FERMT2: variants seen among roughly 807,000 people sequenced by gnomAD.
FERMT2 encodes FERM domain containing kindlin 2, also known as fermitin family homolog 2.
In FERMT2, 15 loss-of-function variants were observed where a neutral mutation model predicts 82.7. That is an observed-to-expected ratio of 0.18 (90% CI 0.12 to 0.28). The LOEUF (loss-of-function observed/expected upper bound fraction) is 0.28, where lower values mean the gene tolerates loss of function less well. FERMT2 is among the 10% of genes least tolerant of loss of function. The pLI is 1.00. For missense variants in FERMT2, 645 were observed against 809.4 expected (o/e 0.80, Z 2.46); for synonymous variants, 274 against 271.5 (o/e 1.01, Z -0.09).
chr14:52,901,273 T>A (rs1188997075), intron 3 of FERMT2, among the ~76,000 whole-genome samples: 3 of 103,100 alleles, frequency 2.9e-5, no homozygotes, highest in Non-Finnish European at 5.7e-5. Flanking sequence ...AGAGCGAGAC[T>A]CTGTCTCAAA....
intron 3 of FERMT2, among the ~76,000 whole-genome samples, chr14:52,896,465 T>TTC (rs1566736438): frequency 1.3e-5 from 2 of 152,164 alleles, no homozygotes; most frequent in African/African-American, 2.4e-5. Context: ...ACAGAGTTGA[T>TTC]GAGGCACAAT....
intron 3 of FERMT2, among the ~76,000 whole-genome samples, chr14:52,901,720 A>G (rs1196051488): frequency 2.0e-5 from 3 of 152,208 alleles, no homozygotes; most frequent in Admixed American, 2.0e-4. Flanking sequence ...TAGTCTTACA[A>G]TCACAAAGAA....
chr14:52,883,915 G>A (rs1047636071), intron 4 of FERMT2, among the ~76,000 whole-genome samples: 16 of 152,152 alleles, frequency 1.1e-4, no homozygotes, highest in Non-Finnish European at 2.2e-4. Context: ...CGCTGTAATT[G>A]TAAGTTTCCT....
Position 52,907,563 on chromosome 14 carries a change from T to C in FERMT2, c.391+11560A>G, listed in dbSNP as rs142362150. Among the ~76,000 whole-genome samples, 43 of 152,076 alleles carry C rather than the reference T, an allele frequency of 2.8e-4. 1 individual carries two copies. In the East Asian group the frequency reaches 7.0e-3, roughly 25 times the overall value. On this transcript the variant is annotated intron_variant, in intron 3 of 14. Coordinates refer to ENST00000341590, the MANE Select transcript of FERMT2 (RefSeq NM_006832.3). ...TTAGCATATATAGGAGTAAAATACA[T>C]GACACAAAAAGGACAGGAAGGGAGA...
At chr14:52,882,314 G>T (rs535580681) in intron 4 of FERMT2, among the ~76,000 whole-genome samples, 1 of 152,156 alleles carries the variant, frequency 6.6e-6, no homozygotes, top group Non-Finnish European at 1.5e-5. Flanking sequence ...TCTAAACAGA[G>T]ATATATTTAA....
At chr14:52,907,712 G>A (rs962181205) in intron 3 of FERMT2, among the ~76,000 whole-genome samples, 1 of 151,640 alleles carries the variant, frequency 6.6e-6, no homozygotes, top group African/African-American at 2.4e-5. Context: ...ATAGCAAAAC[G>A]AAGGTCGTAA....
intron 2 of FERMT2, among the ~76,000 whole-genome samples, chr14:52,944,379 C>T (rs1030041860): frequency 2.0e-5 from 3 of 152,172 alleles, no homozygotes; most frequent in African/African-American, 7.2e-5. Context: ...CAGTTGTGAG[C>T]CCTCAAGGGG....
At chr14:52,891,845 C>G (rs780021020) in intron 4 of FERMT2, among the ~76,000 whole-genome samples, 1 of 152,136 alleles carries the variant, frequency 6.6e-6, no homozygotes, top group Non-Finnish European at 1.5e-5. Flanking sequence ...ACAATATAAC[C>G]TAATTAATTA....
At chr14:52,950,382 T>C in intron 2 of FERMT2, 30 bp downstream of exon 2, 2 of 1,590,524 alleles carry the variant, frequency 1.3e-6, no homozygotes, top group Non-Finnish European at 1.7e-6. Flanking sequence ...TGGGAAGTCA[T>C]TAGTTGGACG....
Position 52,872,913 on chromosome 14 carries a change from GCTT to G in FERMT2, c.1156_1158del (p.Lys386del). 1 of 1,613,604 alleles carries G rather than the reference GCTT, an allele frequency of 6.2e-7. No homozygotes were observed. Among genetic ancestry groups the G allele is most frequent in the Non-Finnish European group, 8.5e-7 (1 of 1,179,726 alleles). Reference sequence around the variant, plus strand: ...TATTGTTTGTAACCTTTCAGAGTCAGCTTTTTTGGCCTATGTATCAAAGAGAAT... The same window carrying G: ...TATTGTTTGTAACCTTTCAGAGTCAGTTTTGGCCTATGTATCAAAGAGAAT... On this transcript the variant is annotated inframe_deletion, in exon 10 of 15. Coordinates refer to ENST00000341590, the MANE Select transcript of FERMT2 (RefSeq NM_006832.3).
chr14:52,901,039 T>C (rs1257998641), intron 3 of FERMT2, among the ~76,000 whole-genome samples: 2 of 134,966 alleles, frequency 1.5e-5, no homozygotes, highest in Admixed American at 1.7e-4. Context: ...GGCGGGCGGA[T>C]CACGAAATCA....
At chr14:52,908,124 C>T (rs1280752126) in intron 3 of FERMT2, among the ~76,000 whole-genome samples, 1 of 152,088 alleles carries the variant, frequency 6.6e-6, no homozygotes, top group Non-Finnish European at 1.5e-5. Flanking sequence ...TAGGGTAATG[C>T]GAATTAAAGC....
intron 3 of FERMT2, among the ~76,000 whole-genome samples, chr14:52,912,011 G>A (rs1888341151): frequency 1.4e-5 from 2 of 144,976 alleles, no homozygotes; most frequent in South Asian, 4.4e-4. Context: ...CCTACCCCCA[G>A]TTCTTCATGA....
At chr14:52,940,075 A>T (rs898204798) in intron 2 of FERMT2, among the ~76,000 whole-genome samples, 4 of 152,226 alleles carry the variant, frequency 2.6e-5, no homozygotes, top group Non-Finnish European at 5.9e-5. Flanking sequence ...TGATGTAAAA[A>T]TAAGACAGTT....
intron 4 of FERMT2, among the ~76,000 whole-genome samples, chr14:52,887,356 T>C (rs973975912): frequency 1.3e-5 from 2 of 151,312 alleles, no homozygotes; most frequent in African/African-American, 4.9e-5. Context: ...CTACAAAAAA[T>C]ACAAAAATTA....
intron 2 of FERMT2, among the ~76,000 whole-genome samples, chr14:52,925,558 CAAA>C (rs761894753): frequency 2.0e-4 from 11 of 55,678 alleles, no homozygotes; most frequent in Admixed American, 3.7e-4. Flanking sequence ...GACTCTGTCT[CAAA>C]AAAAAAAAAA....
chr14:52,885,312 C>CCAA (rs1886534368), intron 4 of FERMT2, among the ~76,000 whole-genome samples: 1 of 61,064 alleles, frequency 1.6e-5, no homozygotes, highest in African/African-American at 6.6e-5. Flanking sequence ...GACTTAGTCT[C>CCAA]AAAAAAAAAA....
intron 4 of FERMT2, among the ~76,000 whole-genome samples, chr14:52,887,541 C>T (rs1382241304): frequency 6.6e-6 from 1 of 151,474 alleles, no homozygotes; most frequent in East Asian, 1.9e-4. Context: ...ATAAAATAAA[C>T]ATTATGGCCA....
At chr14:52,898,179 T>C (rs1887411619) in intron 3 of FERMT2, among the ~76,000 whole-genome samples, 1 of 152,140 alleles carries the variant, frequency 6.6e-6, no homozygotes. Flanking sequence ...TCTTTAATTA[T>C]TAATAAATTT....
Sources: gnomAD v4.1 joint callset for allele counts (sites outside exome capture counted in the v4.1 genomes callset) on GRCh38, gnomAD v4.1.1 for gene constraint, MANE v1.5 for transcripts, NCBI Gene and HGNC (gene_info 2026-07-23, HGNC 2026-07-21) for gene names.